The following RANBP17 variants were observed in gnomAD, a reference collection of about 807,000 sequenced individuals.
The protein encoded by RANBP17 is RAN binding protein 17.
RANBP17 carries 158 observed loss-of-function variants against 141.2 expected under a neutral mutation model. The observed-to-expected ratio is 1.12, with a 90% CI of 0.98 to 1.28. The LOEUF is 1.28. Among genes scored for constraint, RANBP17 ranks in the 50% most tolerant of loss-of-function variants. The probability of loss-of-function intolerance (pLI) is 0.00; values close to 1 mark genes in which losing one functional copy is unlikely to be tolerated. For synonymous variants in RANBP17, 430 were observed against 450.0 expected (o/e 0.96, Z 0.56); for missense variants, 1,438 against 1,290.7 (o/e 1.11, Z -1.75).
chr5:171,063,081 T>G (rs1345257564), intron 14 of RANBP17, among the ~76,000 whole-genome samples: 1 of 152,180 alleles, frequency 6.6e-6, no homozygotes, highest in East Asian at 1.9e-4. Flanking sequence ...TTCAAAGTTT[T>G]TAACTTCTTT....
rs542653148 is a variant in RANBP17 at position 170,871,158 on chromosome 5, C to T, written c.19-6939C>T. Reference sequence around the variant, plus strand: ...CTGCCTCCCTGGTTCAAGCGATTCTCCTGCCTCAGCCTCCTGAGTAGCTGG... The same window carrying T: ...CTGCCTCCCTGGTTCAAGCGATTCTTCTGCCTCAGCCTCCTGAGTAGCTGG... On this transcript the variant is annotated intron_variant, in intron 1 of 27. Coordinates refer to ENST00000523189, the MANE Select transcript of RANBP17 (RefSeq NM_022897.5). Among the ~76,000 whole-genome samples, 13 of 152,228 alleles carry T rather than the reference C, an allele frequency of 8.5e-5. No homozygotes were observed. In the South Asian group the frequency reaches 2.3e-3, roughly 27 times the overall value.
Position 170,965,614 on chromosome 5 carries a change from T to C in RANBP17, c.1575-2628T>C, listed in dbSNP as rs1435989089. ...AGGGATCCAGTTTCAGCTTTCTATA[T>C]ATGGCTAGCCAGTTTTCCCAGCACC... On this transcript the variant is annotated intron_variant, in intron 13 of 27. Coordinates refer to ENST00000523189, the MANE Select transcript of RANBP17 (RefSeq NM_022897.5). 4.6e-5 allele frequency among the ~76,000 whole-genome samples: 7 copies of C among 152,330 alleles called. No homozygotes were observed. The South Asian group carries it at 1.4e-3, about 32-fold the overall frequency.
intron 14 of RANBP17, among the ~76,000 whole-genome samples, chr5:171,076,724 A>G (rs1462657802): frequency 6.6e-6 from 1 of 152,196 alleles, no homozygotes; most frequent in African/African-American, 2.4e-5. Context: ...TTGTATGTAG[A>G]AAAGTCTCTG....
At chr5:170,863,703 A>C (rs753067366) in intron 1 of RANBP17, 1 of 152,152 alleles carries the variant, frequency 6.6e-6, no homozygotes, top group African/African-American at 2.4e-5. Flanking sequence ...GGAACTTTGG[A>C]ATTTTTTCAT....
chr5:170,914,384 C>G (rs1771778117), intron 8 of RANBP17, 144 bp downstream of exon 8: 1 of 605,518 alleles, frequency 1.7e-6, no homozygotes, highest in Non-Finnish European at 2.9e-6. Context: ...ATGTATACTG[C>G]TTAAACTATT....
intron 14 of RANBP17, among the ~76,000 whole-genome samples, chr5:171,127,012 A>T (rs1756519684): frequency 6.6e-6 from 1 of 152,216 alleles, no homozygotes; most frequent in African/African-American, 2.4e-5. Context: ...CCAAAACCAG[A>T]CAAGAACACA....
intron 14 of RANBP17, among the ~76,000 whole-genome samples, chr5:171,061,531 T>C (rs971120169): frequency 2.0e-5 from 3 of 152,168 alleles, no homozygotes; most frequent in Admixed American, 6.5e-5. Context: ...GAGAGACAGT[T>C]TGTTATAATT....
chr5:171,101,435 G>A (rs1286095865), intron 14 of RANBP17, among the ~76,000 whole-genome samples: 3 of 151,718 alleles, frequency 2.0e-5, no homozygotes, highest in Non-Finnish European at 4.4e-5. Flanking sequence ...CTCTTTTTTT[G>A]CTTTCCATTT....
chr5:171,068,484 GAGA>G (rs1459847476), intron 14 of RANBP17, among the ~76,000 whole-genome samples: 4 of 152,124 alleles, frequency 2.6e-5, no homozygotes, highest in Non-Finnish European at 5.9e-5. Flanking sequence ...ATTTCTAGTT[GAGA>G]AGTAGACATT....
In RANBP17 at chr5:171,007,951, G is replaced by A. The variant is rs1212833953; in HGVS notation, c.1710+39574G>A. 2.0e-5 allele frequency among the ~76,000 whole-genome samples: 3 copies of A among 152,158 alleles called. No homozygotes were observed. In the East Asian group the frequency reaches 5.8e-4, roughly 29 times the overall value. On this transcript the variant is annotated intron_variant, in intron 14 of 27. Coordinates refer to ENST00000523189, the MANE Select transcript of RANBP17 (RefSeq NM_022897.5). ...AGCCGGTGGGGAGCAACCCTGGGCT[G>A]CAATGTGGGTGAGCAGCCAAAGCAG...
rs1561739835 is a variant in RANBP17 at position 171,183,113 on chromosome 5, T to C, written c.1866-54T>C. On this transcript the variant is annotated intron_variant, in intron 16 of 27. Transcript: ENST00000523189. Reference sequence around the variant, plus strand: ...TACAGTTCACTGTTACTTTGTGATTTATTACATACTGATATTACAAATATA... The same window carrying C: ...TACAGTTCACTGTTACTTTGTGATTCATTACATACTGATATTACAAATATA... The C allele has an allele frequency of 1.2e-4, 113 of 944,198 alleles. No homozygotes were observed. The South Asian group carries it at 1.6e-3, about 13-fold the overall frequency. 58.5% of individuals were successfully genotyped at this position (944,198 alleles called of 1,614,324 possible).
intron 5 of RANBP17, among the ~76,000 whole-genome samples, chr5:170,907,570 A>G (rs1263929855): frequency 6.6e-6 from 1 of 151,964 alleles, no homozygotes; most frequent in Non-Finnish European, 1.5e-5. Context: ...GTTTCTTTCC[A>G]TATTATGGAT....
At chr5:171,090,836 G>A (rs1364801779) in intron 14 of RANBP17, among the ~76,000 whole-genome samples, 3 of 152,204 alleles carry the variant, frequency 2.0e-5, no homozygotes, top group African/African-American at 7.2e-5. Flanking sequence ...TGTTGAGCCT[G>A]CGGGTGCACA....
intron 14 of RANBP17, among the ~76,000 whole-genome samples, chr5:171,119,586 CTT>C (rs2127770882): frequency 6.6e-6 from 1 of 152,272 alleles, no homozygotes; most frequent in East Asian, 1.9e-4. Context: ...AGAGGAAAGT[CTT>C]TTGATTTTTC....
rs530328496 is a variant in RANBP17, at chr5:171,132,488, C to T, written c.1711-37642C>T. On this transcript the variant is annotated intron_variant, in intron 14 of 27. Transcript: ENST00000523189. ...ATGTAATCCAAACACTTTGGGAGGC[C>T]GAGATGGGAGGATCACTCAAGCCCA... 2.5e-3 allele frequency among the ~76,000 whole-genome samples: 372 copies of T among 150,700 alleles called. 2 individuals are homozygous for T. Among genetic ancestry groups the T allele is most frequent in the African/African-American group, 8.5e-3 (349 of 41,090 alleles).
At chr5:170,920,706 C>A (rs1005073607) in intron 11 of RANBP17, among the ~76,000 whole-genome samples, 4 of 152,128 alleles carry the variant, frequency 2.6e-5, no homozygotes. Context: ...AATTTACATT[C>A]CCACCAACAG....
intron 22 of RANBP17, among the ~76,000 whole-genome samples, chr5:171,227,043 TC>T (rs1249072200): frequency 8.5e-5 from 13 of 152,098 alleles, no homozygotes; most frequent in Admixed American, 8.5e-4. Context: ...CACTCCCTAT[TC>T]TCTGACACAG....
chr5:171,056,230 C>A (rs1783362656), intron 14 of RANBP17, among the ~76,000 whole-genome samples: 1 of 152,148 alleles, frequency 6.6e-6, no homozygotes, highest in Admixed American at 6.5e-5. Context: ...CTCCATGAGT[C>A]CTGAAAGTTT....
At chr5:171,137,572 A>ATGTGTGTGTGTGTGTGTGTGTGTG (rs140713117) in intron 14 of RANBP17, among the ~76,000 whole-genome samples, 32 of 141,042 alleles carry the variant, frequency 2.3e-4, no homozygotes, top group South Asian at 4.9e-4. Context: ...TTGACTTGAG[A>ATGTGTGTGTGTGTGTGTGTGTGTG]TGTGTGTGTG....
Sources: gnomAD v4.1 joint callset for allele counts (sites outside exome capture counted in the v4.1 genomes callset) on GRCh38, gnomAD v4.1.1 for gene constraint, MANE v1.5 for transcripts, NCBI Gene and HGNC (gene_info 2026-07-23, HGNC 2026-07-21) for gene names.